Variants in RGS7 observed in about 807,000 individuals in gnomAD.
The protein encoded by RGS7 is regulator of G protein signaling 7.
RGS7 carries 27 observed loss-of-function variants against 81.1 expected under a neutral mutation model. The ratio of observed to expected loss-of-function variants is 0.33; its 90% CI spans 0.25 to 0.46. The LOEUF is 0.46. Ranked by LOEUF, RGS7 falls within the 20% of genes least tolerant of loss-of-function variation. The probability of loss-of-function intolerance (pLI) is 1.00; values close to 1 mark genes in which losing one functional copy is unlikely to be tolerated. For missense variants in RGS7, 396 were observed against 607.4 expected, an observed-to-expected ratio of 0.65 and a Z score of 3.66; for synonymous variants, 208 against 207.7, an observed-to-expected ratio of 1.00 and a Z score of -0.01.
intron 4 of RGS7, among the ~76,000 whole-genome samples, chr1:240,975,732 G>C (rs1230139863): frequency 6.6e-6 from 1 of 152,214 alleles, no homozygotes; most frequent in South Asian, 2.1e-4. Context: ...CATGATATTA[G>C]TCATAAAGCA....
chr1:240,849,646 G>C (rs939268346), intron 9 of RGS7, among the ~76,000 whole-genome samples: 1 of 152,088 alleles, frequency 6.6e-6, no homozygotes, highest in Non-Finnish European at 1.5e-5. Flanking sequence ...GTTCCCGAGA[G>C]ATCTGGTTGT....
At chr1:241,254,290 C>G (rs1211602293) in intron 2 of RGS7, among the ~76,000 whole-genome samples, 2 of 151,664 alleles carry the variant, frequency 1.3e-5, no homozygotes, top group African/African-American at 4.8e-5. Context: ...GAAGATGTGG[C>G]AAGGTCATGT....
chr1:240,932,851 G>A (rs1429289456), intron 5 of RGS7, among the ~76,000 whole-genome samples: 2 of 136,432 alleles, frequency 1.5e-5, no homozygotes, highest in African/African-American at 5.4e-5. Context: ...TTTTATAAGA[G>A]ATATATTTCT....
intron 2 of RGS7, among the ~76,000 whole-genome samples, chr1:241,121,842 G>A (rs1470320228): frequency 4.0e-5 from 6 of 148,648 alleles, no homozygotes; most frequent in Non-Finnish European, 7.4e-5. Context: ...CTAGTAGCTG[G>A]GACCTCAGGT....
chr1:241,298,863 T>C (rs373328725), intron 2 of RGS7, among the ~76,000 whole-genome samples: 184 of 152,310 alleles, frequency 1.2e-3, no homozygotes, highest in African/African-American at 4.1e-3. Flanking sequence ...TGTCCAGTGT[T>C]TTTATTTTAT....
intron 2 of RGS7, among the ~76,000 whole-genome samples, chr1:241,128,145 C>T (rs774772208): frequency 1.1e-4 from 17 of 151,834 alleles, no homozygotes; most frequent in Non-Finnish European, 2.4e-4. Context: ...GGGCGTGTGG[C>T]GGGCGCCTTT....
chr1:240,975,292 C>T (rs1683896724), intron 4 of RGS7, among the ~76,000 whole-genome samples: 1 of 152,108 alleles, frequency 6.6e-6, no homozygotes, highest in Non-Finnish European at 1.5e-5. Flanking sequence ...GTCTCAGCTA[C>T]TCAGGAGGCT....
intron 4 of RGS7, among the ~76,000 whole-genome samples, chr1:240,944,809 G>T (rs1237011468): frequency 6.6e-6 from 1 of 152,212 alleles, no homozygotes; most frequent in Non-Finnish European, 1.5e-5. Context: ...CGCCTTCCAG[G>T]TTCAAGCGAT....
chr1:241,281,779 T>C (rs1211513069), intron 2 of RGS7, among the ~76,000 whole-genome samples: 3 of 152,350 alleles, frequency 2.0e-5, no homozygotes, highest in East Asian at 1.9e-4. Context: ...GTATTATATA[T>C]ACAAAATATG....
intron 2 of RGS7, among the ~76,000 whole-genome samples, chr1:241,160,125 A>AAAG (rs2069517220): frequency 7.1e-6 from 1 of 141,352 alleles, no homozygotes; most frequent in Non-Finnish European, 1.5e-5. Flanking sequence ...AAAAAAAAAA[A>AAAG]AAAAAGAAAA....
intron 3 of RGS7, among the ~76,000 whole-genome samples, chr1:241,041,940 C>G (rs1280006247): frequency 1.3e-5 from 2 of 152,070 alleles, no homozygotes; most frequent in East Asian, 3.9e-4. Context: ...AGTACTAGAG[C>G]ATCGTGGGCT....
intron 6 of RGS7, among the ~76,000 whole-genome samples, chr1:240,891,202 G>GT (rs1668239773): frequency 2.4e-5 from 1 of 42,048 alleles, no homozygotes; most frequent in South Asian, 9.9e-4. Context: ...CAGCATCACT[G>GT]GGGGGGTGGT....
intron 2 of RGS7, among the ~76,000 whole-genome samples, chr1:241,169,446 C>G (rs913492139): frequency 6.9e-6 from 1 of 144,526 alleles, no homozygotes; most frequent in South Asian, 2.2e-4. Flanking sequence ...TGGGTGCAAG[C>G]AATTCTCTGC....
At chr1:240,775,475 C>A (rs1682803504), downstream of RGS7, 1 of 152,196 alleles carries the variant, frequency 6.6e-6, no homozygotes, top group Non-Finnish European at 1.5e-5. Flanking sequence ...CAGCATTTTC[C>A]TTTTTAGTTA....
At chr1:241,332,396 C>T (rs2082021874) in intron 2 of RGS7, among the ~76,000 whole-genome samples, 1 of 152,050 alleles carries the variant, frequency 6.6e-6, no homozygotes, top group Non-Finnish European at 1.5e-5. Flanking sequence ...TACATTAGAA[C>T]CATGGGAAAG....
At chr1:241,344,274 A>G (rs2082749568) in intron 2 of RGS7, among the ~76,000 whole-genome samples, 2 of 152,246 alleles carry the variant, frequency 1.3e-5, no homozygotes, top group African/African-American at 4.8e-5. Flanking sequence ...TATATTTACC[A>G]TATACAACAG....
At chr1:241,084,398 T>C (rs116086088) in intron 3 of RGS7, among the ~76,000 whole-genome samples, 2,931 of 152,226 alleles carry the variant, frequency 0.019, 109 homozygotes, top group African/African-American at 0.066. Flanking sequence ...GAACAATTCT[T>C]CCATATTTAA....
intron 6 of RGS7, among the ~76,000 whole-genome samples, chr1:240,885,125 T>C (rs1224720880): frequency 6.6e-6 from 1 of 152,198 alleles, no homozygotes; most frequent in Non-Finnish European, 1.5e-5. Context: ...AAGACATGTA[T>C]GTGGCCAACA....
At chr1:241,117,953 T>C (rs911348155) in intron 2 of RGS7, among the ~76,000 whole-genome samples, 10 of 152,172 alleles carry the variant, frequency 6.6e-5, no homozygotes, top group Non-Finnish European at 8.8e-5. Context: ...TGTAAAACTT[T>C]TGATAGCAAT....
Sources: allele counts gnomAD v4.1 joint callset (sites outside exome capture counted in the v4.1 genomes callset), GRCh38; gene constraint gnomAD v4.1.1; transcripts MANE v1.5; gene names NCBI Gene and HGNC (gene_info 2026-07-23, HGNC 2026-07-21).